Variants in RPS15A observed in about 807,000 individuals in gnomAD.
RPS15A encodes small ribosomal subunit protein uS8.
For synonymous variants in RPS15A, 55 were observed against 58.5 expected (o/e 0.94, Z 0.27); for missense variants, 62 against 163.4 (o/e 0.38, Z 3.38).
At chr16:18,787,084 CA>C (rs746348127) in intron 3 of RPS15A, among the ~76,000 whole-genome samples, 43 of 152,320 alleles carry the variant, frequency 2.8e-4, no homozygotes, top group African/African-American at 9.9e-4. Flanking sequence ...AGGCTTGTCT[CA>C]AACTCCTGAC....
rs973545996 is a variant in RPS15A, at chr16:18,781,582, T to C, written c.*1427A>G. The C allele has an allele frequency of 3.3e-5, 5 of 152,076 alleles. No homozygotes were observed. Among genetic ancestry groups the C allele is most frequent in the South Asian group, 2.1e-4 (1 of 4,812 alleles). The allele number at this position is 152,076 out of a possible 1,614,324, so 9.4% of individuals were successfully genotyped here. On this transcript the variant is annotated 3_prime_UTR_variant, in exon 5 of 5. Transcript: ENST00000322989. The stretch of plus-strand genomic sequence containing the variant: ...AACTTGGGGATAGGTTTTGTATCAT[T>C]CCCATTACAGATACGGATGCTGAGG...
chr16:18,783,355 C>A (rs1008434179), intron 4 of RPS15A: 3 of 489,798 alleles, frequency 6.1e-6, no homozygotes, highest in African/African-American at 1.9e-5. Context: ...ATGAAACAAA[C>A]TGCACTGAAA....
chr16:18,787,612 G>C (rs1236503791), intron 3 of RPS15A, among the ~76,000 whole-genome samples: 1 of 152,192 alleles, frequency 6.6e-6, no homozygotes, highest in Non-Finnish European at 1.5e-5. Context: ...AAAGACCTAT[G>C]CCAGCAAAAA....
chr16:18,789,491 G>A (rs2029977492), intron 1 of RPS15A, among the ~76,000 whole-genome samples: 1 of 152,206 alleles, frequency 6.6e-6, no homozygotes, highest in Non-Finnish European at 1.5e-5. Context: ...GGGTATAGTC[G>A]ATCAGTGATT....
intron 3 of RPS15A, chr16:18,785,658 T>C (rs904144037): frequency 3.9e-5 from 6 of 152,246 alleles, no homozygotes; most frequent in African/African-American, 1.4e-4. Flanking sequence ...AAGGCCCAAC[T>C]GCTCTACGCC....
intron 1 of RPS15A, among the ~76,000 whole-genome samples, chr16:18,789,490 C>A (rs975674483): frequency 1.6e-4 from 24 of 152,322 alleles, no homozygotes; most frequent in African/African-American, 5.5e-4. Context: ...CGGGTATAGT[C>A]GATCAGTGAT....
In RPS15A at chr16:18,787,826, C is replaced by T. The variant is rs181352600; in HGVS notation, c.213+237G>A. 4.6e-5 allele frequency among the ~76,000 whole-genome samples: 7 copies of T among 152,314 alleles called. No individual in the cohort carries two copies. The East Asian group carries it at 1.3e-3, about 29-fold the overall frequency. On this transcript the variant is annotated intron_variant, in intron 3 of 4. Coordinates refer to ENST00000322989, the MANE Select transcript of RPS15A (RefSeq NM_001019.5). ...CAGTACCAGCGTTGGTTTCACCCCC[C>T]ATCTCTCCTGAGACAGCTTATACCC...
Position 18,787,479 on chromosome 16 carries a change from C to T in RPS15A, c.213+584G>A, listed in dbSNP as rs1260873640. Among the ~76,000 whole-genome samples, 4 of 152,316 alleles carry T rather than the reference C, an allele frequency of 2.6e-5. No individual in the cohort carries two copies. The East Asian group carries it at 7.7e-4, about 29-fold the overall frequency. On this transcript the variant is annotated intron_variant, in intron 3 of 4. Transcript: ENST00000322989. ...AAAGCTACAAACCTGACAGGAAGCA[C>T]AGTGGACACCTCAACCAGCTTAAGA...
intron 4 of RPS15A, chr16:18,783,971 C>G: frequency 3.6e-6 from 1 of 276,044 alleles, no homozygotes. Flanking sequence ...TCTGGGATCA[C>G]AGGGAACTAT....
At position 18,783,874 on chromosome 16, in the gene RPS15A, G is replaced by A. The variant is rs77918452; in HGVS notation, c.300-772C>T. The stretch of plus-strand genomic sequence containing the variant: ...ATGGCTTTAAAGCAGAAAAACAAGG[G>A]TTTGAACTCAGATAGGCTTTTAAGG... On this transcript the variant is annotated intron_variant, in intron 4 of 4. Coordinates refer to ENST00000322989, the MANE Select transcript of RPS15A (RefSeq NM_001019.5). 6.5e-3 allele frequency: 2,343 copies of A among 360,042 alleles called. 16 individuals carry two copies. The highest frequency in any genetic ancestry group is 9.5e-3 in the Non-Finnish European group (1,749 of 183,712). 22.3% of individuals were successfully genotyped at this position (360,042 alleles called of 1,614,324 possible).
rs1284268845 is a variant in RPS15A, at chr16:18,782,875, G to A, written c.*134C>T. ...GCTGTATTAGTCACTTCAGGGAATC[G>A]CATTCACCGATAAACGAAGCAACTG... is the stretch of plus-strand genomic sequence containing the variant. On this transcript the variant is annotated 3_prime_UTR_variant, in exon 5 of 5. Coordinates refer to ENST00000322989, the MANE Select transcript of RPS15A (RefSeq NM_001019.5). 8 of 601,714 alleles carry A rather than the reference G, an allele frequency of 1.3e-5. No homozygotes were observed. The highest frequency in any genetic ancestry group is 8.3e-5 in the East Asian group (3 of 36,046). 37.3% of individuals were successfully genotyped at this position (601,714 alleles called of 1,614,324 possible). A position where few individuals can be genotyped will look rare whatever the true frequency, so the allele number is the denominator to read the frequency against.
intron 2 of RPS15A, 107 bp downstream of exon 2, chr16:18,788,874 T>C (rs926366870): frequency 1.0e-5 from 12 of 1,188,918 alleles, no homozygotes; most frequent in Non-Finnish European, 1.4e-5. Flanking sequence ...TTGCATTCGT[T>C]CTCAGGTATG....
intron 4 of RPS15A, chr16:18,783,645 A>C (rs943440882): frequency 6.6e-6 from 3 of 455,920 alleles, no homozygotes; most frequent in Non-Finnish European, 8.8e-6. Context: ...CCGTACCTGT[A>C]ATACAGCAAC....
At chr16:18,783,129 G>GT in intron 4 of RPS15A, 27 bp from the exon 5 acceptor site, 2 of 1,489,322 alleles carry the variant, frequency 1.3e-6, no homozygotes, top group South Asian at 2.3e-5. Flanking sequence ...GAAAGTGCTG[G>GT]TAAGTTTAAT....
chr16:18,783,238 T>G (rs950455787), intron 4 of RPS15A, 136 bp from the exon 5 acceptor site: 8 of 612,442 alleles, frequency 1.3e-5, no homozygotes, highest in Non-Finnish European at 2.3e-5. Flanking sequence ...AGTGCCTACA[T>G]GAGCTGGTGC....
In RPS15A at chr16:18,782,281, G is replaced by A. The variant is rs1207622140; in HGVS notation, c.*728C>T. 1.0e-5 allele frequency: 1 copy of A among 96,360 alleles called. No individual in the cohort carries two copies. The highest frequency in any genetic ancestry group is 3.7e-5 in the African/African-American group (1 of 26,778). 6.0% of individuals were successfully genotyped at this position (96,360 alleles called of 1,614,324 possible). A position where few individuals can be genotyped will look rare whatever the true frequency, so the allele number is the denominator to read the frequency against. ...ACTGCACTCCAGCCTGTGTGACAGA[G>A]CGACTTTGTCTTAAAAAAAAAAAAA... On this transcript the variant is annotated 3_prime_UTR_variant, in exon 5 of 5. Coordinates refer to ENST00000322989, the MANE Select transcript of RPS15A (RefSeq NM_001019.5).
chr16:18,784,931 C>A, intron 3 of RPS15A, 108 bp from the exon 4 acceptor site: 2 of 833,098 alleles, frequency 2.4e-6, no homozygotes, highest in Non-Finnish European at 3.9e-6. Context: ...AACCAACCAA[C>A]CCAGCATTCA....
rs2029956058 is a variant in RPS15A, at chr16:18,788,882, A to G, written c.133+99T>C. On this transcript the variant is annotated intron_variant, in intron 2 of 4. Transcript: ENST00000322989. ...AGGTCAATTGCATTCGTTCTCAGGTATGACAGACATACTTTGGTCCCCCAT... is the reference window on the plus strand; with the variant it reads ...AGGTCAATTGCATTCGTTCTCAGGTGTGACAGACATACTTTGGTCCCCCAT... 3.2e-6 allele frequency: 4 copies of G among 1,261,022 alleles called. No individual in the cohort carries two copies. In the South Asian group the frequency reaches 4.1e-5, roughly 13 times the overall value. 78.1% of individuals were successfully genotyped at this position (1,261,022 alleles called of 1,614,324 possible).
intron 4 of RPS15A, chr16:18,783,552 A>T (rs1903998330): frequency 7.3e-6 from 3 of 411,322 alleles, no homozygotes. Context: ...TGTGGGGATC[A>T]CTGTAACAAG....
Sources: gnomAD v4.1 joint callset for allele counts (sites outside exome capture counted in the v4.1 genomes callset) on GRCh38, gnomAD v4.1.1 for gene constraint, MANE v1.5 for transcripts, NCBI Gene and HGNC (gene_info 2026-07-23, HGNC 2026-07-21) for gene names.